ARMC9: variants seen among roughly 807,000 people sequenced by gnomAD.
ARMC9 encodes the protein armadillo repeat containing 9, also known as lisH domain-containing protein ARMC9.
ARMC9 carries 94 observed loss-of-function variants against 107.0 expected under a neutral mutation model. The ratio of observed to expected loss-of-function variants is 0.88; its 90% CI spans 0.74 to 1.04. The LOEUF is 1.04. Ranked by LOEUF, ARMC9 falls within the 50% of genes least tolerant of loss-of-function variation. ARMC9 has a pLI of 0.00. For missense variants in ARMC9, 942 were observed against 1,030.1 expected (o/e 0.91, Z 1.17); for synonymous variants, 380 against 396.9 (o/e 0.96, Z 0.51).
intron 18 of ARMC9, 112 bp downstream of exon 18, chr2:231,291,555 TG>T: frequency 9.3e-7 from 1 of 1,071,474 alleles, no homozygotes; most frequent in East Asian, 2.7e-5. Context: ...CGGTGGCTCG[TG>T]CTTATAATCC....
At chr2:231,270,774 T>A (rs1322372964) in intron 12 of ARMC9, 12 of 683,974 alleles carry the variant, frequency 1.8e-5, no homozygotes. Context: ...TTCATTTAAT[T>A]TGGAAGTCTG....
intron 10 of ARMC9, among the ~76,000 whole-genome samples, chr2:231,258,428 G>T (rs965817761): frequency 6.6e-6 from 1 of 152,006 alleles, no homozygotes; most frequent in African/African-American, 2.4e-5. Flanking sequence ...TGATCCACCC[G>T]CACAGGCCTC....
chr2:231,310,629 G>C (rs189199287), intron 19 of ARMC9, among the ~76,000 whole-genome samples: 1 of 151,900 alleles, frequency 6.6e-6, no homozygotes, highest in East Asian at 1.9e-4. Context: ...TACTTGGGAG[G>C]CTGAGGCAGG....
intron 16 of ARMC9, among the ~76,000 whole-genome samples, chr2:231,279,428 T>C (rs2040022633): frequency 6.6e-6 from 1 of 152,126 alleles, no homozygotes; most frequent in Admixed American, 6.6e-5. Flanking sequence ...CAGGGGTATA[T>C]CTGAGCAGGA....
At position 231,235,399 on chromosome 2, in the gene ARMC9, T is replaced by TTGTG; in HGVS notation, c.780+22_780+25dup. 1 of 1,613,920 alleles carries TTGTG rather than the reference T, an allele frequency of 6.2e-7. No homozygotes were observed. The highest frequency in any genetic ancestry group is 8.5e-7 in the Non-Finnish European group (1 of 1,179,874). On this transcript the variant is annotated intron_variant, in intron 8 of 24. Transcript: ENST00000611582. ...GCAAGATGGTAAGGAAGATCCCTAATTGTGTGTATGTCTGTTTGGCAATGA... is the reference window on the plus strand; with the variant it reads ...GCAAGATGGTAAGGAAGATCCCTAATTGTGTGTGTGTATGTCTGTTTGGCAATGA...
rs2045960517 is a variant in ARMC9, at chr2:231,370,122, C to T, written c.2431C>T (p.Pro811Ser). 4 of 1,524,410 alleles carry T rather than the reference C, an allele frequency of 2.6e-6. No homozygotes were observed. 94.4% of individuals were successfully genotyped at this position (1,524,410 alleles called of 1,614,324 possible). A position where few individuals can be genotyped will look rare whatever the true frequency, so the allele number is the denominator to read the frequency against. The part of the protein sequence containing the change: ...GSTASSTRGL[P>S]SSQSHRK Reference sequence around the variant, plus strand: ...CACAGCGTCCTCCACAAGGGGCCTGCCGAGTAAGTCAGCCTGGGCCCCACT... The same window carrying T: ...CACAGCGTCCTCCACAAGGGGCCTGTCGAGTAAGTCAGCCTGGGCCCCACT... Residue 811 changes from proline to serine, a missense_variant, in exon 24 of 25, where the codon CCG becomes TCG. Pro to Ser is a moderately conservative substitution (Grantham distance 74, BLOSUM62 -1). Coordinates refer to ENST00000611582, the MANE Select transcript of ARMC9 (RefSeq NM_001352754.2).
intron 10 of ARMC9, among the ~76,000 whole-genome samples, chr2:231,257,366 T>C (rs377235377): frequency 6.6e-6 from 1 of 152,186 alleles, no homozygotes. Flanking sequence ...TCTGATGCTG[T>C]GGTGGCAAGG....
intron 9 of ARMC9, among the ~76,000 whole-genome samples, chr2:231,246,878 G>A (rs1351164969): frequency 2.5e-4 from 38 of 151,710 alleles, no homozygotes; most frequent in Admixed American, 2.4e-3. Flanking sequence ...CTGCAGCTTC[G>A]ACCTCCTGGG....
At chr2:231,354,582 A>G (rs1027585834) in intron 21 of ARMC9, among the ~76,000 whole-genome samples, 1 of 151,922 alleles carries the variant, frequency 6.6e-6, no homozygotes, top group African/African-American at 2.4e-5. Context: ...GGGTTTCACC[A>G]TGTTGGCCAA....
At chr2:231,212,581 G>A (rs948269899) in intron 3 of ARMC9, among the ~76,000 whole-genome samples, 2 of 152,244 alleles carry the variant, frequency 1.3e-5, no homozygotes, top group African/African-American at 4.8e-5. Context: ...CTCATGGCAA[G>A]GCCCCCTCAG....
intron 12 of ARMC9, 61 bp downstream of exon 12, chr2:231,262,459 C>A: frequency 7.1e-7 from 1 of 1,414,466 alleles, no homozygotes; most frequent in Non-Finnish European, 1.0e-6. Context: ...ATGATCTTAG[C>A]AGATGGGGGA....
intron 19 of ARMC9, among the ~76,000 whole-genome samples, chr2:231,304,343 T>C (rs2041929959): frequency 6.6e-6 from 1 of 152,258 alleles, no homozygotes; most frequent in South Asian, 2.1e-4. Flanking sequence ...TTTTGTATTA[T>C]AATTCATTGA....
At chr2:231,299,589 G>A (rs542823058) in intron 19 of ARMC9, among the ~76,000 whole-genome samples, 1 of 152,340 alleles carries the variant, frequency 6.6e-6, no homozygotes, top group South Asian at 2.1e-4. Flanking sequence ...AATGGCTTAA[G>A]AAGTGTATGC....
At chr2:231,337,270 G>GTGTATATATATATATA (rs1417267339) in intron 20 of ARMC9, among the ~76,000 whole-genome samples, 14 of 76,400 alleles carry the variant, frequency 1.8e-4, no homozygotes, top group African/African-American at 7.5e-4. Context: ...ACGTGTGTGT[G>GTGTATATATATATATA]TATATATATA....
intron 7 of ARMC9, among the ~76,000 whole-genome samples, chr2:231,228,329 G>C (rs1242718722): frequency 6.6e-6 from 1 of 152,228 alleles, no homozygotes; most frequent in Non-Finnish European, 1.5e-5. Context: ...GCTCAGTTAA[G>C]CTGTTCTCCC....
intron 17 of ARMC9, among the ~76,000 whole-genome samples, chr2:231,284,661 A>G (rs1206812965): frequency 6.6e-6 from 1 of 152,118 alleles, no homozygotes; most frequent in Non-Finnish European, 1.5e-5. Flanking sequence ...AGAAAAACCT[A>G]CTCTCAGAAA....
intron 11 of ARMC9, among the ~76,000 whole-genome samples, chr2:231,260,711 T>C (rs116135163): frequency 0.012 from 1,841 of 152,244 alleles, 18 homozygotes; most frequent in Non-Finnish European, 0.02. Context: ...CCATTGCCTC[T>C]CTCTGCTCAA....
rs1436943377 is a variant in ARMC9 at position 231,223,502 on chromosome 2, T to C, written c.597+682T>C. Reference sequence around the variant, plus strand: ...TAGTTTTTAAAGACAAGTATCTCCTTTTACTTGGAATAAAAATGTATCCAA... The same window carrying C: ...TAGTTTTTAAAGACAAGTATCTCCTCTTACTTGGAATAAAAATGTATCCAA... On this transcript the variant is annotated intron_variant, in intron 6 of 24. Coordinates refer to ENST00000611582, the MANE Select transcript of ARMC9 (RefSeq NM_001352754.2). Among the ~76,000 whole-genome samples the C allele has an allele frequency of 2.6e-5, 4 of 152,210 alleles. No individual in the cohort carries two copies. In the East Asian group the frequency reaches 7.7e-4, roughly 29 times the overall value.
intron 3 of ARMC9, among the ~76,000 whole-genome samples, chr2:231,212,021 A>C (rs1230078723): frequency 1.3e-5 from 2 of 152,204 alleles, no homozygotes; most frequent in Non-Finnish European, 2.9e-5. Flanking sequence ...ATTTAGAAAG[A>C]AAAATAAAAA....
Sources: gnomAD v4.1 joint callset for allele counts (sites outside exome capture counted in the v4.1 genomes callset) on GRCh38, gnomAD v4.1.1 for gene constraint, MANE v1.5 for transcripts, NCBI Gene and HGNC (gene_info 2026-07-23, HGNC 2026-07-21) for gene names.